Variants in RNF185 observed in about 807,000 individuals in gnomAD.
The protein encoded by RNF185 is ring finger protein 185.
RNF185 carries 13 observed loss-of-function variants against 24.9 expected under a neutral mutation model. The ratio of observed to expected loss-of-function variants is 0.52; its 90% CI spans 0.34 to 0.83. The LOEUF (loss-of-function observed/expected upper bound fraction) is 0.83, where lower values mean the gene tolerates loss of function less well. RNF185 is among the 40% of genes least tolerant of loss of function. The pLI is 0.01. For synonymous variants in RNF185, 79 were observed against 90.3 expected, an observed-to-expected ratio of 0.88 and a Z score of 0.71; for missense variants, 184 against 244.7, an observed-to-expected ratio of 0.75 and a Z score of 1.65.
rs1432483194 is a variant in RNF185, at chr22:31,206,447, A to AT, written c.*1863dup. 5 of 152,302 alleles carry AT rather than the reference A, an allele frequency of 3.3e-5. No homozygotes were observed. Among genetic ancestry groups the AT allele is most frequent in the African/African-American group, 1.2e-4 (5 of 41,440 alleles). The allele number at this position is 152,302 out of a possible 1,614,324, so 9.4% of individuals were successfully genotyped here. A position where few individuals can be genotyped will look rare whatever the true frequency, so the allele number is the denominator to read the frequency against. ...CTGGAGTGTCTCTTCTCTAGAGAGA[A>AT]TTGGTGGGACCCCCCTCAGTGCAGT... On this transcript the variant is annotated 3_prime_UTR_variant, in exon 7 of 7. Coordinates refer to ENST00000326132, the MANE Select transcript of RNF185 (RefSeq NM_152267.4).
At chr22:31,200,416 G>A (rs1414953241) in intron 5 of RNF185, among the ~76,000 whole-genome samples, 1 of 152,172 alleles carries the variant, frequency 6.6e-6, no homozygotes, top group Admixed American at 6.5e-5. Context: ...CCTAGTTTTA[G>A]ATCTAAACTG....
intron 6 of RNF185, among the ~76,000 whole-genome samples, 159 bp from the exon 7 acceptor site, chr22:31,204,330 G>A (rs1378505047): frequency 1.3e-5 from 2 of 150,562 alleles, no homozygotes; most frequent in Non-Finnish European, 2.9e-5. Flanking sequence ...GCAACAGAGC[G>A]AGACTACATT....
At chr22:31,184,345 A>G (rs910830001) in intron 1 of RNF185, among the ~76,000 whole-genome samples, 4 of 150,310 alleles carry the variant, frequency 2.7e-5, no homozygotes, top group African/African-American at 9.9e-5. Context: ...CGCTCCCCAC[A>G]TCCCAGAGGA....
At chr22:31,201,890 G>A (rs776148043) in intron 6 of RNF185, among the ~76,000 whole-genome samples, 5 of 152,098 alleles carry the variant, frequency 3.3e-5, no homozygotes, top group Admixed American at 6.5e-5. Context: ...GATTAGCTGC[G>A]TTTAACAGAT....
At chr22:31,190,988 C>CT (rs1343867421) in intron 2 of RNF185, among the ~76,000 whole-genome samples, 2 of 152,184 alleles carry the variant, frequency 1.3e-5, no homozygotes, top group Non-Finnish European at 2.9e-5. Context: ...AGGTTTGTAG[C>CT]TTAGGAGCAA....
intron 1 of RNF185, among the ~76,000 whole-genome samples, chr22:31,185,584 G>A (rs2048090979): frequency 6.6e-6 from 1 of 152,186 alleles, no homozygotes. Flanking sequence ...ATTATGATCA[G>A]TAGAGGGAAA....
chr22:31,176,320 A>G (rs1376429994), intron 1 of RNF185, among the ~76,000 whole-genome samples: 2 of 147,188 alleles, frequency 1.4e-5, no homozygotes, highest in Non-Finnish European at 3.0e-5. Context: ...TCTCCCTCCC[A>G]GGTTCAAGCA....
Position 31,170,213 on chromosome 22 carries a change from G to A in RNF185, c.-49+9910G>A, listed in dbSNP as rs937222674. 6.8e-4 allele frequency among the ~76,000 whole-genome samples: 104 copies of A among 152,042 alleles called. 1 individual carries two copies. Among genetic ancestry groups the A allele is most frequent in the Middle Eastern group, 3.4e-3 (1 of 294 alleles). ...TTTTTTTGTTTGTTTGTTTGAGACA[G>A]AGTCTTGTTCAGTCGCCCAGGCTGG... On this transcript the variant is annotated intron_variant, in intron 1 of 6. Coordinates refer to ENST00000326132, the MANE Select transcript of RNF185 (RefSeq NM_152267.4).
intron 5 of RNF185, chr22:31,197,202 CTATAAT>C: frequency 1.9e-6 from 1 of 536,120 alleles, no homozygotes; most frequent in Admixed American, 3.6e-5. Flanking sequence ...TTCCATTTTT[CTATAAT>C]TATATATACA....
At chr22:31,189,137 G>A (rs13055922) in intron 2 of RNF185, among the ~76,000 whole-genome samples, 4,154 of 30,122 alleles carry the variant, frequency 0.14, 149 homozygotes, top group African/African-American at 0.32. Flanking sequence ...AAAAAAAAAT[G>A]TGTGTGTGTG....
chr22:31,180,177 T>G (rs1261018592), intron 1 of RNF185, among the ~76,000 whole-genome samples: 1 of 152,150 alleles, frequency 6.6e-6, no homozygotes, highest in Non-Finnish European at 1.5e-5. Context: ...GTAATACATG[T>G]AAAGGCCGGG....
Position 31,195,582 on chromosome 22 carries a change from G to A in RNF185, c.308+1G>A, listed in dbSNP as rs2048198371. 1 of 1,595,922 alleles carries A rather than the reference G, an allele frequency of 6.3e-7. No individual in the cohort carries two copies. Reference sequence around the variant, plus strand: ...GCAGCACTGGGCAACAGGACCCCAGGTGAGGACTCAGGATGCCTCTCCCAA... The same window carrying A: ...GCAGCACTGGGCAACAGGACCCCAGATGAGGACTCAGGATGCCTCTCCCAA... On this transcript the variant is annotated splice_donor_variant, in intron 4 of 6. Coordinates refer to ENST00000326132, the MANE Select transcript of RNF185 (RefSeq NM_152267.4). LOFTEE classifies it high-confidence loss of function.
At chr22:31,178,846 T>C (rs2048007702) in intron 1 of RNF185, among the ~76,000 whole-genome samples, 1 of 152,098 alleles carries the variant, frequency 6.6e-6, no homozygotes, top group South Asian at 2.1e-4. Context: ...GCACGATAAA[T>C]TTGAGGGAAG....
At chr22:31,176,895 C>T (rs1463394298) in intron 1 of RNF185, among the ~76,000 whole-genome samples, 1 of 152,106 alleles carries the variant, frequency 6.6e-6, no homozygotes, top group African/African-American at 2.4e-5. Flanking sequence ...ATTATGTGGA[C>T]GTACCAGTTT....
intron 2 of RNF185, among the ~76,000 whole-genome samples, chr22:31,188,955 TAAA>T (rs34561325): frequency 3.4e-5 from 4 of 118,082 alleles, no homozygotes; most frequent in African/African-American, 3.2e-5. Context: ...CCGTTTCTAC[TAAA>T]AAAAAAAAAA....
chr22:31,184,564 C>T (rs1457377537), intron 1 of RNF185, among the ~76,000 whole-genome samples: 2 of 152,074 alleles, frequency 1.3e-5, no homozygotes, highest in African/African-American at 2.4e-5. Context: ...CCAAGGCAGG[C>T]GGCTGGGAGG....
At chr22:31,194,335 G>A (rs774898637) in intron 3 of RNF185, among the ~76,000 whole-genome samples, 12 of 152,276 alleles carry the variant, frequency 7.9e-5, no homozygotes, top group Non-Finnish European at 1.5e-4. Flanking sequence ...TAGATAATGA[G>A]CAAAACCTAT....
chr22:31,201,214 T>C (rs749342025), intron 5 of RNF185, among the ~76,000 whole-genome samples: 1 of 152,248 alleles, frequency 6.6e-6, no homozygotes, highest in Non-Finnish European at 1.5e-5. Context: ...TGCTGACTTA[T>C]GTCAGCAGAG....
intron 1 of RNF185, among the ~76,000 whole-genome samples, chr22:31,179,209 C>T (rs958061074): frequency 6.6e-6 from 1 of 152,098 alleles, no homozygotes; most frequent in African/African-American, 2.4e-5. Flanking sequence ...GCAGGATGGC[C>T]ATATAGGTAT....
Sources: gnomAD v4.1 joint callset for allele counts (sites outside exome capture counted in the v4.1 genomes callset) on GRCh38, gnomAD v4.1.1 for gene constraint, MANE v1.5 for transcripts, NCBI Gene and HGNC (gene_info 2026-07-23, HGNC 2026-07-21) for gene names.